NIBAN1: variants seen among roughly 807,000 people sequenced by gnomAD.
The protein encoded by NIBAN1 is protein Niban 1.
Under a neutral mutation model 75.1 loss-of-function variants are expected in NIBAN1, and 81 were observed. The observed-to-expected ratio is 1.08, with a 90% CI of 0.90 to 1.30. NIBAN1 has a LOEUF of 1.30. Ranked by LOEUF, NIBAN1 falls within the 50% of genes most tolerant of loss-of-function variation. NIBAN1 has a pLI of 0.00. For synonymous variants in NIBAN1, 436 were observed against 424.8 expected, an observed-to-expected ratio of 1.03 and a Z score of -0.32; for missense variants, 1,133 against 1,128.1, an observed-to-expected ratio of 1.00 and a Z score of -0.06.
At chr1:184,928,248 T>G (rs2102028191) in intron 1 of NIBAN1, among the ~76,000 whole-genome samples, 1 of 152,292 alleles carries the variant, frequency 6.6e-6, no homozygotes, top group South Asian at 2.1e-4. Context: ...CTCTTTACTC[T>G]TCCCTCTCCT....
At chr1:184,896,457 G>C (rs1016250150) in intron 2 of NIBAN1, among the ~76,000 whole-genome samples, 2 of 151,598 alleles carry the variant, frequency 1.3e-5, no homozygotes, top group African/African-American at 4.9e-5. Flanking sequence ...CTTTGTTAGG[G>C]GCATAATTTG....
intron 10 of NIBAN1, 34 bp downstream of exon 10, chr1:184,808,040 C>A: frequency 1.2e-6 from 2 of 1,611,984 alleles, no homozygotes; most frequent in Non-Finnish European, 1.7e-6. Context: ...CTCTCTTTAC[C>A]CTCATCCACC....
At chr1:184,933,775 A>G (rs947490496) in intron 1 of NIBAN1, among the ~76,000 whole-genome samples, 2 of 152,268 alleles carry the variant, frequency 1.3e-5, no homozygotes, top group Non-Finnish European at 2.9e-5. Flanking sequence ...CAAGAATTGA[A>G]TCTTATACAG....
chr1:184,931,001 T>TTTC (rs59576532), intron 1 of NIBAN1, among the ~76,000 whole-genome samples: 22,691 of 138,748 alleles, frequency 0.16, 4,093 homozygotes, highest in African/African-American at 0.48. Context: ...CTTCTTCTTT[T>TTTC]TTTTTTTTTT....
intron 5 of NIBAN1, among the ~76,000 whole-genome samples, chr1:184,842,533 T>C (rs1311213738): frequency 1.3e-5 from 2 of 152,058 alleles, no homozygotes; most frequent in Admixed American, 6.5e-5. Flanking sequence ...GCAGGCGGAT[T>C]ACCTGGGGTC....
Position 184,819,642 on chromosome 1 carries a change from TAGA to T in NIBAN1, c.986-820_986-818del, listed in dbSNP as rs1293459006. Reference sequence around the variant, plus strand: ...GCAATGGAGTGAAGGAGGCCGGAGCTAGAAGAAGCCTGAGCTTGCTCCGTGGAC... The same window carrying T: ...GCAATGGAGTGAAGGAGGCCGGAGCTAGAAGCCTGAGCTTGCTCCGTGGAC... On this transcript the variant is annotated intron_variant, in intron 8 of 13. Coordinates refer to ENST00000367511, the MANE Select transcript of NIBAN1 (RefSeq NM_052966.4). 7.2e-5 allele frequency among the ~76,000 whole-genome samples: 11 copies of T among 152,314 alleles called. No individual in the cohort carries two copies. The Middle Eastern group carries it at 0.01, about 141-fold the overall frequency.
At chr1:184,930,226 C>A (rs548088933) in intron 1 of NIBAN1, among the ~76,000 whole-genome samples, 1 of 152,180 alleles carries the variant, frequency 6.6e-6, no homozygotes, top group Non-Finnish European at 1.5e-5. Context: ...GGATAGGGTA[C>A]GACTCAAATC....
rs775484708 is a variant in NIBAN1 at position 184,823,706 on chromosome 1, T to C, written c.754A>G (p.Thr252Ala). 2.5e-6 allele frequency: 4 copies of C among 1,614,002 alleles called. No homozygotes were observed. The highest frequency in any genetic ancestry group is 2.2e-5 in the South Asian group (2 of 91,086). The change falls in exon 7 of 14, where the codon ACT (threonine) becomes GCT (alanine). Residue 252 changes from threonine to alanine, a missense_variant. By Grantham distance (58) the Thr-to-Ala change is moderately conservative (BLOSUM62 0). Coordinates refer to ENST00000367511, the MANE Select transcript of NIBAN1 (RefSeq NM_052966.4). ...TTAGGCAGCAGGTCTGTCTGAAGAG[T>C]GGGCAGGAGCTCCTCCATCACCAGG... is the stretch of plus-strand genomic sequence containing the variant. Reference protein sequence around the residue: ...SNLVMEELLPTLQTDLLPKMK... With the variant: ...SNLVMEELLPALQTDLLPKMK...
chr1:184,937,838 A>G (rs963025711), intron 1 of NIBAN1, among the ~76,000 whole-genome samples: 1 of 152,190 alleles, frequency 6.6e-6, no homozygotes, highest in Non-Finnish European at 1.5e-5. Context: ...ACCCACCTTA[A>G]ACAGCTACGT....
intron 5 of NIBAN1, among the ~76,000 whole-genome samples, chr1:184,856,407 A>T (rs900694081): frequency 4.6e-5 from 7 of 152,176 alleles, no homozygotes; most frequent in Non-Finnish European, 8.8e-5. Context: ...GGTTCTAAAA[A>T]ATCTTTATTT....
chr1:184,805,808 G>C (rs894145925), intron 11 of NIBAN1, 138 bp downstream of exon 11: 5 of 666,622 alleles, frequency 7.5e-6, no homozygotes, highest in Non-Finnish European at 1.3e-5. Context: ...GCAGCGGACT[G>C]ACAGTCACTG....
intron 7 of NIBAN1, 115 bp from the exon 8 acceptor site, chr1:184,823,444 C>T: frequency 2.2e-6 from 3 of 1,381,852 alleles, no homozygotes; most frequent in Non-Finnish European, 3.0e-6. Flanking sequence ...ACTGCACACA[C>T]ATTGTAATTT....
At chr1:184,954,127 T>C (rs1239299946) in intron 1 of NIBAN1, among the ~76,000 whole-genome samples, 2 of 152,192 alleles carry the variant, frequency 1.3e-5, no homozygotes, top group Admixed American at 1.3e-4. Flanking sequence ...TCAAATGTGA[T>C]TTTATGGAAA....
chr1:184,860,981 GC>G (rs1655800656), intron 5 of NIBAN1, among the ~76,000 whole-genome samples: 3 of 152,316 alleles, frequency 2.0e-5, no homozygotes, highest in Admixed American at 2.0e-4. Flanking sequence ...ACCTGAAAAG[GC>G]ATGGATCAAA....
At position 184,894,622 on chromosome 1, in the gene NIBAN1, C is replaced by A. The variant is rs1035367525; in HGVS notation, c.187-416G>T. On this transcript the variant is annotated intron_variant, in intron 2 of 13. Transcript: ENST00000367511. ...TGACTCAGGGTTAATCCCCGCAAAG[C>A]GGGAGAATTAACAGACCGTTCCCCT... Among the ~76,000 whole-genome samples the A allele has an allele frequency of 4.6e-5, 7 of 152,306 alleles. No individual in the cohort carries two copies. In the East Asian group the frequency reaches 1.4e-3, roughly 29 times the overall value.
chr1:184,829,146 G>T (rs537701904), intron 6 of NIBAN1, among the ~76,000 whole-genome samples: 2 of 152,206 alleles, frequency 1.3e-5, no homozygotes, highest in East Asian at 3.9e-4. Context: ...AGTGATTTCT[G>T]ATCTCTTTTC....
intron 1 of NIBAN1, among the ~76,000 whole-genome samples, chr1:184,908,654 T>C (rs965810450): frequency 6.6e-6 from 1 of 152,232 alleles, no homozygotes; most frequent in Non-Finnish European, 1.5e-5. Flanking sequence ...GTTTCAGCTA[T>C]AAATAGATGA....
At chr1:184,819,634 G>A (rs1295743782) in intron 8 of NIBAN1, among the ~76,000 whole-genome samples, 1 of 152,318 alleles carries the variant, frequency 6.6e-6, no homozygotes, top group South Asian at 2.1e-4. Context: ...AGTGAAGGAG[G>A]CCGGAGCTAG....
chr1:184,911,298 C>T (rs2102005154), intron 1 of NIBAN1, among the ~76,000 whole-genome samples: 1 of 152,220 alleles, frequency 6.6e-6, no homozygotes, highest in African/African-American at 2.4e-5. Flanking sequence ...AATCAGCATG[C>T]CAATGTGTTT....
Sources: gnomAD v4.1 joint callset for allele counts (sites outside exome capture counted in the v4.1 genomes callset) on GRCh38, gnomAD v4.1.1 for gene constraint, MANE v1.5 for transcripts, NCBI Gene and HGNC (gene_info 2026-07-23, HGNC 2026-07-21) for gene names.